Variants in FGL1 observed in about 807,000 individuals in gnomAD.
FGL1 encodes the protein fibrinogen like 1.
A neutral mutation model predicts 43.7 loss-of-function variants in FGL1; 59 were observed. That is an observed-to-expected ratio of 1.35 (90% confidence interval 1.10 to 1.68). FGL1 has a LOEUF of 1.68. Ranked by LOEUF, FGL1 falls within the 40% of genes most tolerant of loss-of-function variation. The pLI, the probability that FGL1 is intolerant of heterozygous loss-of-function variation, is 0.00. For synonymous variants in FGL1, 192 were observed against 126.5 expected (o/e 1.52, Z -3.48); for missense variants, 596 against 373.0 (o/e 1.60, Z -4.92).
intron 2 of FGL1, among the ~76,000 whole-genome samples, chr8:17,884,351 C>T (rs1264469857): frequency 6.6e-6 from 1 of 152,018 alleles, no homozygotes; most frequent in Non-Finnish European, 1.5e-5. Flanking sequence ...TGTGCCATAA[C>T]ACCCAGCTAA....
chr8:17,877,694 G>T, intron 3 of FGL1, among the ~76,000 whole-genome samples: 1 of 152,046 alleles, frequency 6.6e-6, no homozygotes, highest in East Asian at 1.9e-4. Flanking sequence ...TTTGATAAAG[G>T]CATGCAATGC....
intron 2 of FGL1, among the ~76,000 whole-genome samples, chr8:17,882,998 G>A (rs867216705): frequency 4.3e-4 from 35 of 82,230 alleles, no homozygotes; most frequent in African/African-American, 1.4e-3. Flanking sequence ...TATATCATAT[G>A]TAATATATTA....
In FGL1 at chr8:17,868,728, T is replaced by C. The variant is rs2053310426; in HGVS notation, c.599A>G (p.Tyr200Cys). Residue 200 changes from tyrosine to cysteine, a missense_variant, in exon 7 of 8, where the codon TAC becomes TGC. By Grantham distance (194) the Tyr-to-Cys change is radical (BLOSUM62 -2). Coordinates refer to ENST00000427924, the MANE Select transcript of FGL1 (RefSeq NM_004467.4). The stretch of plus-strand genomic sequence containing the variant: ...AGAATATTCCCCAATATTCAACTCG[T>C]AGAAATTCTAAAGAAAAAGGGCATT... ...NFKVGDEKNF[Y>C]ELNIGEYSGT... 2.5e-6 allele frequency: 4 copies of C among 1,608,982 alleles called. No individual in the cohort carries two copies. The highest frequency in any genetic ancestry group is 3.4e-6 in the Non-Finnish European group (4 of 1,177,696).
intron 5 of FGL1, 119 bp from the exon 6 acceptor site, chr8:17,869,123 A>C (rs1563447534): frequency 3.4e-6 from 2 of 592,860 alleles, no homozygotes; most frequent in East Asian, 2.9e-5. Context: ...GCCAAGAATC[A>C]GTTTTCAAAG....
At chr8:17,880,822 T>C (rs950148250) in intron 3 of FGL1, among the ~76,000 whole-genome samples, 2 of 152,208 alleles carry the variant, frequency 1.3e-5, no homozygotes, top group African/African-American at 4.8e-5. Flanking sequence ...CAGTTTTCCA[T>C]AGAGAATAAT....
chr8:17,885,930 A>T (rs1421059638), intron 1 of FGL1, among the ~76,000 whole-genome samples: 2 of 152,226 alleles, frequency 1.3e-5, no homozygotes, highest in Non-Finnish European at 2.9e-5. Flanking sequence ...GTCTCTGCTT[A>T]TGGAGCTTGT....
At chr8:17,882,823 T>TATATAATATATATC (rs1554566840) in intron 2 of FGL1, among the ~76,000 whole-genome samples, 30 of 118,658 alleles carry the variant, frequency 2.5e-4, no homozygotes, top group Non-Finnish European at 3.3e-4. Context: ...TAATATATCA[T>TATATAATATATATC]ATATAATATA....
At chr8:17,882,823 TATATA>T (rs1218923869) in intron 2 of FGL1, among the ~76,000 whole-genome samples, 1 of 118,686 alleles carries the variant, frequency 8.4e-6, no homozygotes, top group East Asian at 2.1e-4. Context: ...TAATATATCA[TATATA>T]ATATATTAAA....
intron 2 of FGL1, among the ~76,000 whole-genome samples, chr8:17,883,554 TTATA>T (rs1253507952): frequency 7.3e-6 from 1 of 137,694 alleles, no homozygotes; most frequent in African/African-American, 2.7e-5. Flanking sequence ...ATAGTCTACT[TTATA>T]TAATATATTA....
At chr8:17,873,460 T>C (rs1006247607) in intron 5 of FGL1, among the ~76,000 whole-genome samples, 1 of 152,088 alleles carries the variant, frequency 6.6e-6, no homozygotes, top group African/African-American at 2.4e-5. Flanking sequence ...CCAGCCCTGA[T>C]CAGCAAAATC....
chr8:17,879,012 T>C (rs2053496863), intron 3 of FGL1, among the ~76,000 whole-genome samples: 1 of 141,486 alleles, frequency 7.1e-6, no homozygotes, highest in African/African-American at 2.6e-5. Flanking sequence ...TGCTAAAATA[T>C]AAAGAACAAT....
chr8:17,887,576 G>A (rs1414305581), intron 1 of FGL1, among the ~76,000 whole-genome samples: 1 of 152,136 alleles, frequency 6.6e-6, no homozygotes, highest in Non-Finnish European at 1.5e-5. Flanking sequence ...TGGGCCGGGC[G>A]TGTTGGCTCA....
intron 7 of FGL1, among the ~76,000 whole-genome samples, chr8:17,866,022 T>TA (rs1292725780): frequency 6.6e-6 from 1 of 152,124 alleles, no homozygotes. Context: ...AAAGTAATGT[T>TA]AAAAAAAGAA....
chr8:17,864,444 C>T lies in FGL1; in HGVS notation c.*148G>A. On this transcript the variant is annotated 3_prime_UTR_variant, in exon 8 of 8. Transcript: ENST00000427924. The stretch of plus-strand genomic sequence containing the variant: ...TATTGCATATCTGCTGTACTGAAAG[C>T]ACATTAAGTAACAAAGGCAAGTGAG... 1.3e-6 allele frequency: 1 copy of T among 761,482 alleles called. No homozygotes were observed. Among genetic ancestry groups the T allele is most frequent in the Non-Finnish European group, 2.0e-6 (1 of 490,698 alleles). 47.2% of individuals were successfully genotyped at this position (761,482 alleles called of 1,614,324 possible). A position where few individuals can be genotyped will look rare whatever the true frequency, so the allele number is the denominator to read the frequency against.
At position 17,874,139 on chromosome 8, in the gene FGL1, C is replaced by A. The variant is rs752679118; in HGVS notation, c.405-23G>T. 1.9e-6 allele frequency: 3 copies of A among 1,584,412 alleles called. No individual in the cohort carries two copies. In the Admixed American group the frequency reaches 5.1e-5, roughly 27 times the overall value. ...CCTCTAAAAAAGGTAAAGTGGAAGC[C>A]GATTAGAGCAAACTCCATTTGTGGT... On this transcript the variant is annotated intron_variant, in intron 4 of 7. Coordinates refer to ENST00000427924, the MANE Select transcript of FGL1 (RefSeq NM_004467.4).
In FGL1 at chr8:17,895,447, C is replaced by A. The variant is rs879866404; in HGVS notation, c.-18G>T. 2.3e-6 allele frequency: 3 copies of A among 1,283,566 alleles called. No homozygotes were observed. The highest frequency in any genetic ancestry group is 3.0e-6 in the Non-Finnish European group (3 of 984,544). 79.5% of individuals were successfully genotyped at this position (1,283,566 alleles called of 1,614,324 possible). On this transcript the variant is annotated splice_region_variant and 5_prime_UTR_variant, in exon 1 of 8. Transcript: ENST00000427924. ...AATGCAGAGACATTAAATAACTTGC[C>A]TAAAGTCAGAAGTGAGTCAGAGACC...
intron 5 of FGL1, among the ~76,000 whole-genome samples, chr8:17,871,652 A>C (rs1488150542): frequency 1.3e-5 from 2 of 152,236 alleles, no homozygotes; most frequent in African/African-American, 2.4e-5. Context: ...AGATTTATGT[A>C]GTGGGGATAA....
rs34302068 is a variant in FGL1 at position 17,886,743 on chromosome 8, G to C, written c.-17-1172C>G. Among the ~76,000 whole-genome samples, 192 of 151,590 alleles carry C rather than the reference G, an allele frequency of 1.3e-3. 1 individual carries two copies. Among genetic ancestry groups the C allele is most frequent in the African/African-American group, 4.4e-3 (180 of 41,292 alleles). On this transcript the variant is annotated intron_variant, in intron 1 of 7. Transcript: ENST00000427924. ...AATGCACTCCAGCCTGGGTGACAGA[G>C]TGAGTCCCTGTCTAGAAAGAAACGA...
rs186737962 is a variant in FGL1 at position 17,872,986 on chromosome 8, G to A, written c.502+1033C>T. 2.0e-5 allele frequency among the ~76,000 whole-genome samples: 3 copies of A among 152,296 alleles called. No individual in the cohort carries two copies. The East Asian group carries it at 5.8e-4, about 29-fold the overall frequency. Reference sequence around the variant, plus strand: ...AGTAAAATGTTAATGTAGGATACAGGTGGTAGGTTGAAACTTCTTTCAAAT... The same window carrying A: ...AGTAAAATGTTAATGTAGGATACAGATGGTAGGTTGAAACTTCTTTCAAAT... On this transcript the variant is annotated intron_variant, in intron 5 of 7. Coordinates refer to ENST00000427924, the MANE Select transcript of FGL1 (RefSeq NM_004467.4).
Sources: gnomAD v4.1 joint callset for allele counts (sites outside exome capture counted in the v4.1 genomes callset) on GRCh38, gnomAD v4.1.1 for gene constraint, MANE v1.5 for transcripts, NCBI Gene and HGNC (gene_info 2026-07-23, HGNC 2026-07-21) for gene names.